Variants in ITCH observed in about 807,000 individuals in gnomAD.
The protein encoded by ITCH is itchy E3 ubiquitin protein ligase.
A neutral mutation model predicts 126.8 loss-of-function variants in ITCH; 28 were observed. The observed-to-expected ratio is 0.22, with a 90% CI of 0.16 to 0.30. The LOEUF (loss-of-function observed/expected upper bound fraction) is 0.30. Ranked by LOEUF, ITCH falls within the 10% of genes least tolerant of loss-of-function variation. ITCH has a pLI of 1.00. For missense variants in ITCH, 631 were observed against 1,032.4 expected, an observed-to-expected ratio of 0.61 and a Z score of 5.33; for synonymous variants, 342 against 340.0, an observed-to-expected ratio of 1.01 and a Z score of -0.06.
At chr20:34,499,567 A>T (rs1600504842) in intron 23 of ITCH, among the ~76,000 whole-genome samples, 5 of 146,816 alleles carry the variant, frequency 3.4e-5, no homozygotes, top group African/African-American at 7.5e-5. Flanking sequence ...GATTTCATTT[A>T]TTTGGGTCTT....
In ITCH at chr20:34,465,398, T is replaced by G. The variant is rs1365450565; in HGVS notation, c.1424+3177T>G. On this transcript the variant is annotated intron_variant, in intron 14 of 24. Transcript: ENST00000374864. ...TCCATATGAATTTTAGGATGGATTT[T>G]TTTATTTCTGAAAAAAAGAAGTCAT... 2.0e-5 allele frequency among the ~76,000 whole-genome samples: 3 copies of G among 152,170 alleles called. No homozygotes were observed. In the South Asian group the frequency reaches 6.2e-4, roughly 32 times the overall value.
chr20:34,507,889 C>G lies in ITCH; in HGVS notation c.*95C>G, dbSNP rs1255473630. ...CATCTTGTAAAATTGGACAATGGCT[C>G]TTTAGAGAGTTATCTGAGTGTAAGT... On this transcript the variant is annotated 3_prime_UTR_variant, in exon 25 of 25. Coordinates refer to ENST00000374864, the MANE Select transcript of ITCH (RefSeq NM_031483.7). The G allele has an allele frequency of 2.4e-6, 2 of 849,272 alleles. No homozygotes were observed. The highest frequency in any genetic ancestry group is 4.0e-6 in the Non-Finnish European group (2 of 496,530). 52.6% of individuals were successfully genotyped at this position (849,272 alleles called of 1,614,324 possible). A position where few individuals can be genotyped will look rare whatever the true frequency, so the allele number is the denominator to read the frequency against.
chr20:34,412,465 T>C (rs1484826742), intron 4 of ITCH, 50 bp from the exon 5 acceptor site: 7 of 1,355,208 alleles, frequency 5.2e-6, no homozygotes, highest in Non-Finnish European at 7.3e-6. Context: ...TAGGATCTCA[T>C]TGTGATATTC....
intron 7 of ITCH, among the ~76,000 whole-genome samples, chr20:34,427,649 A>G (rs1363227418): frequency 6.6e-6 from 1 of 152,180 alleles, no homozygotes; most frequent in African/African-American, 2.4e-5. Context: ...AAAAAATTAC[A>G]TAAATATCTG....
At chr20:34,386,755 C>T (rs2038297401) in intron 2 of ITCH, among the ~76,000 whole-genome samples, 1 of 152,082 alleles carries the variant, frequency 6.6e-6, no homozygotes, top group Non-Finnish European at 1.5e-5. Context: ...TCACAATATC[C>T]TGTTTAATAA....
In ITCH at chr20:34,470,149, G is replaced by C. The variant is rs6059856; in HGVS notation, c.1497+29G>C. On this transcript the variant is annotated intron_variant, in intron 15 of 24. Coordinates refer to ENST00000374864, the MANE Select transcript of ITCH (RefSeq NM_031483.7). ...AGTATTGGAACTGTATCTCTGTACT[G>C]CCTTAACTTTGTTGTGTTGCTTTAT... 763,570 of 1,545,090 alleles carry C rather than the reference G, an allele frequency of 0.49. 191,703 individuals carry two copies. Among genetic ancestry groups the C allele is most frequent in the Middle Eastern group, 0.57 (3,377 of 5,932 alleles).
Position 34,508,024 on chromosome 20 carries a change from A to G in ITCH, c.*230A>G. On this transcript the variant is annotated 3_prime_UTR_variant, in exon 25 of 25. Coordinates refer to ENST00000374864, the MANE Select transcript of ITCH (RefSeq NM_031483.7). ...ACCTTGCTTAACATGAGATTTTAAC[A>G]CAACAATGAAATTTGCCTTGTCTTA... 2.1e-6 allele frequency: 1 copy of G among 487,356 alleles called. No homozygotes were observed. Among genetic ancestry groups the G allele is most frequent in the South Asian group, 2.1e-5 (1 of 48,066 alleles). 30.2% of individuals were successfully genotyped at this position (487,356 alleles called of 1,614,324 possible).
Position 34,449,499 on chromosome 20 carries a change from T to G in ITCH, c.1210+19T>G. On this transcript the variant is annotated intron_variant, in intron 12 of 24. Transcript: ENST00000374864. ...GGATGGGGTAAGTCACATGAGTTTC[T>G]TCATGGAGTTCTGTCATTTCATTTT... The G allele has an allele frequency of 6.8e-7, 1 of 1,473,570 alleles. No individual in the cohort carries two copies. Among genetic ancestry groups the G allele is most frequent in the South Asian group, 1.1e-5 (1 of 88,082 alleles). The allele number at this position is 1,473,570 out of a possible 1,614,324, so 91.3% of individuals were successfully genotyped here.
chr20:34,396,395 G>A (rs1291556485), intron 3 of ITCH, among the ~76,000 whole-genome samples: 5 of 152,106 alleles, frequency 3.3e-5, no homozygotes, highest in African/African-American at 7.2e-5. Context: ...TGAGGATTCC[G>A]ATTTCTCTAC....
chr20:34,490,325 A>G (rs2146511327), intron 22 of ITCH, among the ~76,000 whole-genome samples: 1 of 152,352 alleles, frequency 6.6e-6, no homozygotes. Flanking sequence ...TGTCTGCCTT[A>G]AGCATGGTAT....
chr20:34,411,225 C>T (rs1394654256), intron 4 of ITCH, among the ~76,000 whole-genome samples: 1 of 152,152 alleles, frequency 6.6e-6, no homozygotes, highest in Non-Finnish European at 1.5e-5. Context: ...GATCTCTGCT[C>T]ACTGCAACCT....
chr20:34,476,108 T>C, intron 16 of ITCH: 2 of 911,256 alleles, frequency 2.2e-6, no homozygotes, highest in South Asian at 2.6e-5. Context: ...TTCTCATATA[T>C]GTGATCTTCA....
At chr20:34,485,911 A>G (rs1484841358) in intron 20 of ITCH, among the ~76,000 whole-genome samples, 2 of 152,124 alleles carry the variant, frequency 1.3e-5, no homozygotes, top group African/African-American at 2.4e-5. Flanking sequence ...GGCTGGTCTC[A>G]GACTCCTTGC....
At chr20:34,367,218 T>C (rs4911152) in intron 1 of ITCH, among the ~76,000 whole-genome samples, 84,033 of 151,940 alleles carry the variant, frequency 0.55, 23,798 homozygotes, top group African/African-American at 0.65. Flanking sequence ...TGCTCGGCCA[T>C]GCAGGCTGGA....
At chr20:34,377,928 G>A (rs1180032233) in intron 2 of ITCH, among the ~76,000 whole-genome samples, 2 of 151,474 alleles carry the variant, frequency 1.3e-5, no homozygotes, top group Non-Finnish European at 2.9e-5. Context: ...ATGTAGAAAG[G>A]TAGAATATGT....
chr20:34,417,612 G>A (rs1601851028), intron 6 of ITCH, among the ~76,000 whole-genome samples: 5 of 148,588 alleles, frequency 3.4e-5, no homozygotes, highest in Admixed American at 3.4e-4. Flanking sequence ...GTTGGCCAGG[G>A]TGGTGTCGAA....
intron 11 of ITCH, among the ~76,000 whole-genome samples, chr20:34,446,994 A>G (rs1489654659): frequency 6.6e-6 from 1 of 152,108 alleles, no homozygotes; most frequent in African/African-American, 2.4e-5. Context: ...TAGAAATGTT[A>G]GTTCCCATCT....
chr20:34,426,508 C>T (rs1285526857), intron 7 of ITCH, among the ~76,000 whole-genome samples: 1 of 151,706 alleles, frequency 6.6e-6, no homozygotes, highest in African/African-American at 2.4e-5. Context: ...TGCAGTGGCG[C>T]GATCTCAGCT....
chr20:34,413,243 A>G (rs551772503), intron 5 of ITCH, among the ~76,000 whole-genome samples: 1 of 152,274 alleles, frequency 6.6e-6, no homozygotes, highest in Admixed American at 6.5e-5. Context: ...TTATTTGTAT[A>G]TGTATATTTA....
Sources: allele counts gnomAD v4.1 joint callset (sites outside exome capture counted in the v4.1 genomes callset), GRCh38; gene constraint gnomAD v4.1.1; transcripts MANE v1.5; gene names NCBI Gene and HGNC (gene_info 2026-07-23, HGNC 2026-07-21).